GPR4: variants seen among roughly 807,000 people sequenced by gnomAD.
GPR4 encodes G-prodeshotein coupled receptor 4.
Under a neutral mutation model 17.8 loss-of-function variants are expected in GPR4, and 11 were observed. That is an observed-to-expected ratio of 0.62 (90% CI 0.39 to 1.02). GPR4 has a LOEUF of 1.02. Among genes scored for constraint, GPR4 ranks in the 50% least tolerant of loss-of-function variants. The pLI, the probability that GPR4 is intolerant of heterozygous loss-of-function variation, is 0.00. For synonymous variants in GPR4, 219 were observed against 222.8 expected (o/e 0.98, Z 0.15); for missense variants, 364 against 495.4 (o/e 0.73, Z 2.52).
At chr19:45,594,973 A>T (rs1243643777) in intron 1 of GPR4, among the ~76,000 whole-genome samples, 1 of 147,410 alleles carries the variant, frequency 6.8e-6, no homozygotes, top group African/African-American at 2.5e-5. Context: ...ACAAGAGAGG[A>T]ACTCCATCTC....
rs199791684 is a variant in GPR4 at position 45,591,837 on chromosome 19, G to T, written c.30C>A (p.His10Gln). The change falls in exon 2 of 2, where the codon CAC becomes CAA. Residue 10 changes from histidine (H) to glutamine (Q), a missense_variant. Physicochemically the swap from His to Gln is conservative, Grantham distance 24. Around this residue, in one of 3 missense-constraint regions of GPR4, gnomAD observed 271 missense variants for 373.1 expected, o/e 0.73. Coordinates refer to ENST00000323040, the MANE Select transcript of GPR4 (RefSeq NM_005282.3). This position sits in a 1 kb window ranked among gnomAD's most constrained non-coding sequence, Gnocchi z 7.6. MGNHTWEGC[H>Q]VDSRVDHLFP... ...AGAGGTGGTCCACGCGCGAGTCCAC[G>T]TGGCAGCCCTCCCACGTGTGGTTGC... The T allele has an allele frequency of 1.3e-6, 2 of 1,579,132 alleles. No individual in the cohort carries two copies. Among genetic ancestry groups the T allele is most frequent in the African/African-American group, 1.3e-5 (1 of 74,330 alleles).
chr19:45,598,068 C>T lies in GPR4; in HGVS notation c.-832+4027G>A, dbSNP rs533809951. ...AGTCACTCAAAATAACCTCCCTCCC[C>T]TCTCCTCTGCCCTCTCTCTCCCCAT... On this transcript the variant is annotated intron_variant, in intron 1 of 1. Coordinates refer to ENST00000323040, the MANE Select transcript of GPR4 (RefSeq NM_005282.3). Among the ~76,000 whole-genome samples, 200 of 152,156 alleles carry T rather than the reference C, an allele frequency of 1.3e-3. 1 individual carries two copies. Among genetic ancestry groups the T allele is most frequent in the African/African-American group, 4.8e-3 (198 of 41,492 alleles).
intron 1 of GPR4, among the ~76,000 whole-genome samples, chr19:45,596,720 T>G (rs1970062139): frequency 6.6e-6 from 1 of 152,172 alleles, no homozygotes; most frequent in African/African-American, 2.4e-5. Context: ...AATCGTTCTA[T>G]TTTTTGTGGA....
At chr19:45,599,427 C>CA (rs1373238331) in intron 1 of GPR4, among the ~76,000 whole-genome samples, 1 of 140,752 alleles carries the variant, frequency 7.1e-6, no homozygotes, top group Non-Finnish European at 1.6e-5. Flanking sequence ...GCTCCCACCA[C>CA]CCCCCCCTCC....
Position 45,591,549 on chromosome 19 carries a change from G to A in GPR4, c.318C>T (p.Ala106=). 2 of 1,614,024 alleles carry A rather than the reference G, an allele frequency of 1.2e-6. No individual in the cohort carries two copies. The highest frequency in any genetic ancestry group is 1.7e-6 in the Non-Finnish European group (2 of 1,180,004). ...IFYTNIYISI[A]FLCCISVDRY... ...GGTCCACCGAGATGCAGCACAGGAA[G>A]GCGATGCTGATGTAGATATTGGTGT... The change falls in exon 2 of 2, where the codon GCC becomes GCT. Residue 106 remains alanine, a synonymous_variant. Coordinates refer to ENST00000323040, the MANE Select transcript of GPR4 (RefSeq NM_005282.3). This position sits in a 1 kb window ranked among gnomAD's most constrained non-coding sequence, Gnocchi z 7.6.
At chr19:45,594,076 A>G (rs1469961096) in intron 1 of GPR4, among the ~76,000 whole-genome samples, 4 of 74,038 alleles carry the variant, frequency 5.4e-5, no homozygotes, top group African/African-American at 9.8e-5. Context: ...ATATATATAT[A>G]TATATATATA....
intron 1 of GPR4, among the ~76,000 whole-genome samples, chr19:45,599,020 T>G (rs1346680532): frequency 6.6e-6 from 1 of 152,134 alleles, no homozygotes; most frequent in Non-Finnish European, 1.5e-5. Context: ...GGGATCTAAG[T>G]TCTGCCCCTT....
In GPR4 at chr19:45,592,044, A is replaced by G. The variant is rs1970003340; in HGVS notation, c.-178T>C. 10 of 563,808 alleles carry G rather than the reference A, an allele frequency of 1.8e-5. No individual in the cohort carries two copies. Among genetic ancestry groups the G allele is most frequent in the South Asian group, 2.9e-5 (1 of 34,518 alleles). 34.9% of individuals were successfully genotyped at this position (563,808 alleles called of 1,614,324 possible). A position where few individuals can be genotyped will look rare whatever the true frequency, so the allele number is the denominator to read the frequency against. ...TAGGCTGGGCTGGGCTGGGAAGGGC[A>G]GAGCTTGAGAGGGAAAAGTTGGAGG... On this transcript the variant is annotated 5_prime_UTR_variant, in exon 2 of 2. Transcript: ENST00000323040.
rs1270201649 is a variant in GPR4 at position 45,591,147 on chromosome 19, A to G, written c.720T>C (p.Tyr240=). The change falls in exon 2 of 2, where the codon TAT becomes TAC. Residue 240 remains tyrosine, a synonymous_variant. Coordinates refer to ENST00000323040, the MANE Select transcript of GPR4 (RefSeq NM_005282.3). The surrounding 1 kb of genome is among the most constrained non-coding windows in gnomAD (Gnocchi z 7.6). Reference sequence around the variant, plus strand: ...CGCTGCGGGACAGCAAGAGCACGTGATAGGGCGCAAAGCAGACCAGCACGA... The same window carrying G: ...CGCTGCGGGACAGCAAGAGCACGTGGTAGGGCGCAAAGCAGACCAGCACGA... The part of the protein sequence containing the change: ...IAIVLVCFAP[Y]HVLLLSRSAI... 1 of 1,613,546 alleles carries G rather than the reference A, an allele frequency of 6.2e-7. No individual in the cohort carries two copies. The highest frequency in any genetic ancestry group is 1.3e-5 in the African/African-American group (1 of 74,924).
Position 45,590,957 on chromosome 19 carries a change from G to T in GPR4, c.910C>A (p.Leu304Met). 1 of 1,614,068 alleles carries T rather than the reference G, an allele frequency of 6.2e-7. No individual in the cohort carries two copies. The highest frequency in any genetic ancestry group is 8.5e-7 in the Non-Finnish European group (1 of 1,180,044). ...RSDVAKALHN[L>M]LRFLASDKPQ... ...TTGTCGCTGGCCAGAAAGCGGAGCA[G>T]GTTGTGCAGGGCCTTGGCCACATCG... The change falls in exon 2 of 2, where the codon CTG becomes ATG. Residue 304 changes from leucine (L) to methionine (M), a missense_variant. Leu to Met is a conservative substitution (Grantham distance 15). This residue lies in a region of GPR4 where 92 missense variants were observed against 106.0 expected (regional missense o/e 0.87). Transcript: ENST00000323040.
In GPR4 at chr19:45,591,496, C is replaced by T. The variant is rs764165492; in HGVS notation, c.371G>A (p.Arg124His). Residue 124 changes from arginine to histidine, a missense_variant, in exon 2 of 2, where the codon CGC (arginine) becomes CAC (histidine). Physicochemically the swap from Arg to His is conservative, Grantham distance 29. This residue lies in a region of GPR4 where 271 missense variants were observed against 373.1 expected (regional missense o/e 0.73). Coordinates refer to ENST00000323040, the MANE Select transcript of GPR4 (RefSeq NM_005282.3). The surrounding 1 kb of genome is among the most constrained non-coding windows in gnomAD (Gnocchi z 7.6). ...CTTGACGCGGCGCAGGCGGGCGAAGCGGAGTGGGTGGGCCACAGCCAGGTA... is the reference window on the plus strand; with the variant it reads ...CTTGACGCGGCGCAGGCGGGCGAAGTGGAGTGGGTGGGCCACAGCCAGGTA... ...DRYLAVAHPL[R>H]FARLRRVKTA... 1.8e-5 allele frequency: 29 copies of T among 1,610,998 alleles called. No individual in the cohort carries two copies. The South Asian group carries it at 2.9e-4, about 16-fold the overall frequency.
chr19:45,595,326 C>G (rs1290656446), intron 1 of GPR4, among the ~76,000 whole-genome samples: 5 of 147,964 alleles, frequency 3.4e-5, no homozygotes, highest in Non-Finnish European at 7.5e-5. Flanking sequence ...TAAAAAATAA[C>G]TGGACAGAAA....
rs774841713 is a variant in GPR4, at chr19:45,591,408, C to A, written c.459G>T (p.Leu153=). The A allele has an allele frequency of 6.2e-7, 1 of 1,610,098 alleles. No individual in the cohort carries two copies. The highest frequency in any genetic ancestry group is 2.2e-5 in the East Asian group (1 of 44,796). The change falls in exon 2 of 2, where the codon CTG becomes CTT. Residue 153 remains leucine (L), a synonymous_variant. Coordinates refer to ENST00000323040, the MANE Select transcript of GPR4 (RefSeq NM_005282.3). This position sits in a 1 kb window ranked among gnomAD's most constrained non-coding sequence, Gnocchi z 7.6. ...GGTCTCGGAAGAGCTCGTCATGGAA[C>A]AGGGGCGCCGAGTTGGCGCCCAGCT... ...ATELGANSAP[L]FHDELFRDRY...
intron 1 of GPR4, among the ~76,000 whole-genome samples, chr19:45,595,304 TAAATAAATAAATAAAA>T (rs895727610): frequency 1.6e-4 from 22 of 138,492 alleles, no homozygotes; most frequent in Admixed American, 3.0e-4. Context: ...AATAAATAAA[TAAATAAATAAATAAAA>T]AATAACTGGA....
Position 45,590,772 on chromosome 19 carries a change from C to A in GPR4, c.*6G>T. 6.4e-7 allele frequency: 1 copy of A among 1,555,650 alleles called. No individual in the cohort carries two copies. Among genetic ancestry groups the A allele is most frequent in the Non-Finnish European group, 8.7e-7 (1 of 1,149,666 alleles). ...GGAAAACTGGGGATTCTGTGCCACT[C>A]GGGGTTCATTGTGCTGGCGGCAGCA... On this transcript the variant is annotated 3_prime_UTR_variant, in exon 2 of 2. Coordinates refer to ENST00000323040, the MANE Select transcript of GPR4 (RefSeq NM_005282.3).
intron 1 of GPR4, among the ~76,000 whole-genome samples, chr19:45,594,063 AATATATATATATAT>A (rs1186316579): frequency 2.8e-5 from 1 of 36,244 alleles, no homozygotes; most frequent in African/African-American, 1.5e-4. Flanking sequence ...AAAAAAAAAA[AATATATATATATAT>A]ATATATATAT....
At position 45,590,787 on chromosome 19, in the gene GPR4, T is replaced by C; in HGVS notation, c.1080A>G (p.Pro360=). ...GDQVQLKMLP[P]AQ is the part of the protein sequence containing the mutation. ...CTGTGCCACTCGGGGTTCATTGTGC[T>C]GGCGGCAGCATCTTCAGCTGCACCT... The change falls in exon 2 of 2, where the codon CCA becomes CCG. Residue 360 remains proline (P), a synonymous_variant. Transcript: ENST00000323040. 6.4e-7 allele frequency: 1 copy of C among 1,568,380 alleles called. No homozygotes were observed. The highest frequency in any genetic ancestry group is 8.6e-7 in the Non-Finnish European group (1 of 1,156,146).
intron 1 of GPR4, among the ~76,000 whole-genome samples, chr19:45,599,395 T>TTTTCCTCC (rs1427635780): frequency 2.1e-5 from 3 of 141,412 alleles, no homozygotes; most frequent in Non-Finnish European, 3.1e-5. Flanking sequence ...CACCTCCCCC[T>TTTTCCTCC]TTTCCTCCTC....
rs879766707 is a variant in GPR4, at chr19:45,592,018, G to A, written c.-152C>T. On this transcript the variant is annotated 5_prime_UTR_variant, in exon 2 of 2. Transcript: ENST00000323040. ...GTCTACAGGGAAGAGATGAGGTTGGGTAGGCTGGGCTGGGCTGGGAAGGGC... is the reference window on the plus strand; with the variant it reads ...GTCTACAGGGAAGAGATGAGGTTGGATAGGCTGGGCTGGGCTGGGAAGGGC... The A allele has an allele frequency of 1.3e-6, 1 of 790,968 alleles. No individual in the cohort carries two copies. Among genetic ancestry groups the A allele is most frequent in the Non-Finnish European group, 1.9e-6 (1 of 519,112 alleles). The allele number at this position is 790,968 out of a possible 1,614,324, so 49.0% of individuals were successfully genotyped here. A position where few individuals can be genotyped will look rare whatever the true frequency, so the allele number is the denominator to read the frequency against.
Sources: gnomAD v4.1 joint callset for allele counts (sites outside exome capture counted in the v4.1 genomes callset) on GRCh38, gnomAD v4.1.1 for gene constraint, gnomAD v4.1.1 regional missense constraint, Gnocchi (gnomAD v3.1) non-coding constraint, MANE v1.5 for transcripts, NCBI Gene and HGNC (gene_info 2026-07-23, HGNC 2026-07-21) for gene names.